WDPCP: variants seen among roughly 807,000 people sequenced by gnomAD.
WDPCP encodes the protein WD repeat-containing and planar cell polarity effector protein fritz homolog.
Under a neutral mutation model 93.1 loss-of-function variants are expected in WDPCP, and 71 were observed. The ratio of observed to expected loss-of-function variants is 0.76; its 90% CI spans 0.63 to 0.93. The LOEUF is 0.93. Among genes scored for constraint, WDPCP ranks in the 40% least tolerant of loss-of-function variants. WDPCP has a pLI of 0.00. For missense variants in WDPCP, 844 were observed against 887.4 expected (o/e 0.95, Z 0.62); for synonymous variants, 315 against 315.0 (o/e 1.00, Z 0.00).
intron 10 of WDPCP, among the ~76,000 whole-genome samples, chr2:63,394,974 C>T (rs1228307499): frequency 6.6e-6 from 1 of 152,036 alleles, no homozygotes; most frequent in East Asian, 1.9e-4. Flanking sequence ...AATCTGTACA[C>T]CAAACCCCCA....
intron 17 of WDPCP, among the ~76,000 whole-genome samples, chr2:63,141,206 G>A (rs1246042998): frequency 6.6e-6 from 1 of 152,022 alleles, no homozygotes; most frequent in African/African-American, 2.4e-5. Context: ...AGCCTCCCGA[G>A]TAGTTGGGAT....
chr2:63,780,770 TGGAGAACAAC>T (rs752635634), intron 2 of WDPCP, among the ~76,000 whole-genome samples: 1,870 of 152,314 alleles, frequency 0.012, 17 homozygotes, highest in Non-Finnish European at 0.015. Context: ...ATGCACAGCT[TGGAGAACAAC>T]ATTTATTATG....
At chr2:63,485,238 T>A (rs1700501033) in intron 4 of WDPCP, among the ~76,000 whole-genome samples, 1 of 151,790 alleles carries the variant, frequency 6.6e-6, no homozygotes, top group South Asian at 2.1e-4. Flanking sequence ...CTGGGAAAGT[T>A]TGCTAGGCTT....
At chr2:63,337,076 T>C (rs1688434406) in intron 12 of WDPCP, among the ~76,000 whole-genome samples, 1 of 152,088 alleles carries the variant, frequency 6.6e-6, no homozygotes, top group Non-Finnish European at 1.5e-5. Flanking sequence ...GTAGTTTTAG[T>C]AGAGATGGGG....
At chr2:63,313,197 CAACTT>C in intron 13 of WDPCP, 46 bp downstream of exon 13, 3 of 1,551,028 alleles carry the variant, frequency 1.9e-6, no homozygotes, top group Non-Finnish European at 2.7e-6. Context: ...CAAAAGCTGA[CAACTT>C]AGCCTTAGAA....
chr2:63,639,668 TAGC>T (rs1309695569), intron 3 of WDPCP, among the ~76,000 whole-genome samples: 1 of 152,182 alleles, frequency 6.6e-6, no homozygotes, highest in African/African-American at 2.4e-5. Flanking sequence ...ATTTAAATCA[TAGC>T]AGAAGATATG....
chr2:63,300,339 C>T (rs1411342618), intron 13 of WDPCP, among the ~76,000 whole-genome samples: 1 of 152,148 alleles, frequency 6.6e-6, no homozygotes, highest in Non-Finnish European at 1.5e-5. Flanking sequence ...CCAAGTACAA[C>T]ATTCATCAAA....
intron 1 of WDPCP, among the ~76,000 whole-genome samples, chr2:63,586,462 T>C (rs1708850510): frequency 6.6e-6 from 1 of 152,176 alleles, no homozygotes; most frequent in South Asian, 2.1e-4. Flanking sequence ...ACAGTGAAAG[T>C]GCAATGACAT....
At chr2:63,449,737 C>T (rs1698107116) in intron 6 of WDPCP, among the ~76,000 whole-genome samples, 1 of 152,166 alleles carries the variant, frequency 6.6e-6, no homozygotes, top group African/African-American at 2.4e-5. Context: ...GACCCTACCC[C>T]AGACAGAAAA....
chr2:63,721,420 A>G (rs555531550), intron 2 of WDPCP, among the ~76,000 whole-genome samples: 2 of 152,310 alleles, frequency 1.3e-5, no homozygotes, highest in East Asian at 3.9e-4. Context: ...TGATGCCCCA[A>G]CTGCCACACA....
At chr2:63,135,497 A>G (rs1206057805) in intron 17 of WDPCP, among the ~76,000 whole-genome samples, 1 of 151,734 alleles carries the variant, frequency 6.6e-6, no homozygotes, top group Non-Finnish European at 1.5e-5. Context: ...ACGCCCAGCT[A>G]ATTTTTGCAT....
chr2:63,497,229 A>G (rs1701283483), intron 1 of WDPCP, among the ~76,000 whole-genome samples: 2 of 152,182 alleles, frequency 1.3e-5, no homozygotes, highest in South Asian at 4.1e-4. Context: ...TGTATCCAGC[A>G]AAAGCAGACA....
intron 1 of WDPCP, among the ~76,000 whole-genome samples, chr2:63,524,513 T>A (rs1558753205): frequency 6.6e-6 from 1 of 152,232 alleles, no homozygotes; most frequent in Non-Finnish European, 1.5e-5. Flanking sequence ...AAGGACTCCC[T>A]ATTGAATAAA....
chr2:63,778,515 C>A (rs1670339387), intron 2 of WDPCP, among the ~76,000 whole-genome samples: 1 of 152,006 alleles, frequency 6.6e-6, no homozygotes, highest in Non-Finnish European at 1.5e-5. Context: ...CCTCCCTTGT[C>A]CACTTGTTGA....
chr2:63,120,535 T>C lies in WDPCP; in HGVS notation c.*1471A>G. 6.7e-6 allele frequency among the ~76,000 whole-genome samples: 1 copy of C among 149,300 alleles called. No individual in the cohort carries two copies. Among genetic ancestry groups the C allele is most frequent in the East Asian group, 1.9e-4 (1 of 5,174 alleles). On this transcript the variant is annotated 3_prime_UTR_variant, in exon 18 of 18. Transcript: ENST00000272321. Reference sequence around the variant, plus strand: ...TATAGATGTCTATAATTTTTTTTTTTTTTTTTTTTGCAACGGAGTCTTACT... The same window carrying C: ...TATAGATGTCTATAATTTTTTTTTTCTTTTTTTTTGCAACGGAGTCTTACT...
chr2:63,505,962 C>T (rs1413317361), intron 1 of WDPCP, among the ~76,000 whole-genome samples: 1 of 151,892 alleles, frequency 6.6e-6, no homozygotes, highest in Non-Finnish European at 1.5e-5. Flanking sequence ...AAAACAGAAC[C>T]ATGTCCAGGA....
At chr2:63,688,510 G>C (rs1477068994) in intron 2 of WDPCP, among the ~76,000 whole-genome samples, 3 of 85,464 alleles carry the variant, frequency 3.5e-5, no homozygotes, top group Non-Finnish European at 7.0e-5. Flanking sequence ...GGGTTATTGC[G>C]GGGTTGGGGA....
At chr2:63,393,792 C>A (rs1693485058) in intron 10 of WDPCP, among the ~76,000 whole-genome samples, 1 of 151,896 alleles carries the variant, frequency 6.6e-6, no homozygotes, top group Non-Finnish European at 1.5e-5. Flanking sequence ...ACCATATGAT[C>A]TTGACAAAGT....
upstream of WDPCP, among the ~76,000 whole-genome samples, chr2:63,831,291 T>C (rs1162150140): frequency 1.3e-5 from 2 of 152,204 alleles, no homozygotes; most frequent in South Asian, 2.1e-4. Context: ...TCCAAACTTA[T>C]ATCTTGTCTC....
Sources: gnomAD v4.1 joint callset for allele counts (sites outside exome capture counted in the v4.1 genomes callset) on GRCh38, gnomAD v4.1.1 for gene constraint, MANE v1.5 for transcripts, NCBI Gene and HGNC (gene_info 2026-07-23, HGNC 2026-07-21) for gene names.